Variants in ENAH observed in about 807,000 individuals in gnomAD.
ENAH encodes the protein ENAH actin regulator, also known as protein enabled homolog.
Under a neutral mutation model 78.7 loss-of-function variants are expected in ENAH, and 23 were observed. The observed-to-expected ratio is 0.29, with a 90% CI of 0.21 to 0.41. ENAH has a LOEUF of 0.41. Ranked by LOEUF, ENAH falls within the 10% of genes least tolerant of loss-of-function variation. The pLI is 1.00. For synonymous variants in ENAH, 226 were observed against 241.0 expected (o/e 0.94, Z 0.58); for missense variants, 544 against 691.0 (o/e 0.79, Z 2.39).
chr1:225,628,599 A>G (rs1658373255), intron 1 of ENAH, among the ~76,000 whole-genome samples: 1 of 152,196 alleles, frequency 6.6e-6, no homozygotes, highest in Non-Finnish European at 1.5e-5. Flanking sequence ...AAATAAAAGA[A>G]GAACATTTTT....
At chr1:225,590,857 T>C (rs2096872187) in intron 1 of ENAH, among the ~76,000 whole-genome samples, 1 of 152,184 alleles carries the variant, frequency 6.6e-6, no homozygotes, top group South Asian at 2.1e-4. Context: ...AGAAGCCCCA[T>C]AATCTACTTC....
intron 3 of ENAH, among the ~76,000 whole-genome samples, chr1:225,536,985 TTTC>T (rs927526883): frequency 1.3e-5 from 2 of 152,192 alleles, no homozygotes; most frequent in African/African-American, 4.8e-5. Context: ...TTTAGAATAT[TTTC>T]AATAATTATA....
At chr1:225,614,321 A>G (rs1280519089) in intron 1 of ENAH, among the ~76,000 whole-genome samples, 1 of 152,142 alleles carries the variant, frequency 6.6e-6, no homozygotes, top group Non-Finnish European at 1.5e-5. Flanking sequence ...GGCCTCCCAA[A>G]GTGCTGGGAT....
At chr1:225,645,196 A>C (rs1279162197) in intron 1 of ENAH, among the ~76,000 whole-genome samples, 4 of 152,226 alleles carry the variant, frequency 2.6e-5, no homozygotes. Context: ...AGTAATAAAA[A>C]TGTCAGAAAC....
chr1:225,626,479 A>G (rs1040316442), intron 1 of ENAH, among the ~76,000 whole-genome samples: 6 of 152,248 alleles, frequency 3.9e-5, no homozygotes, highest in Admixed American at 2.0e-4. Flanking sequence ...TGCCCTTAAA[A>G]AAGAGCTAGG....
intron 1 of ENAH, among the ~76,000 whole-genome samples, chr1:225,596,553 C>G (rs1235811597): frequency 1.3e-5 from 2 of 152,170 alleles, no homozygotes; most frequent in Non-Finnish European, 2.9e-5. Context: ...CCAAAGTACT[C>G]TGTTCAAGTT....
At chr1:225,587,763 A>G (rs1048794566) in intron 1 of ENAH, among the ~76,000 whole-genome samples, 7 of 152,226 alleles carry the variant, frequency 4.6e-5, no homozygotes, top group Non-Finnish European at 4.4e-5. Flanking sequence ...ACAAAGCTAC[A>G]GCAATTAAGA....
At chr1:225,599,187 C>T (rs536218485) in intron 1 of ENAH, among the ~76,000 whole-genome samples, 111 of 151,922 alleles carry the variant, frequency 7.3e-4, no homozygotes, top group African/African-American at 2.5e-3. Context: ...AGATCTTTCA[C>T]AAAACAACTG....
intron 3 of ENAH, chr1:225,535,628 T>A (rs189680164): frequency 1.1e-6 from 1 of 911,806 alleles, no homozygotes; most frequent in African/African-American, 1.7e-5. Flanking sequence ...GAACTTCACA[T>A]AAACTAAAAG....
intron 2 of ENAH, among the ~76,000 whole-genome samples, chr1:225,561,764 T>G (rs913708292): frequency 1.3e-5 from 2 of 152,278 alleles, no homozygotes; most frequent in Middle Eastern, 6.8e-3. Context: ...CCAGTGAGCT[T>G]GAGTCTAGAC....
chr1:225,579,667 C>T (rs899849215), intron 1 of ENAH, among the ~76,000 whole-genome samples: 1 of 152,182 alleles, frequency 6.6e-6, no homozygotes, highest in African/African-American at 2.4e-5. Context: ...ATTTAAACTA[C>T]TCCAACTTTG....
rs2096658632 is a variant in ENAH, at chr1:225,554,806, CA to C, written c.349+99del. 4.0e-6 allele frequency: 4 copies of C among 1,003,168 alleles called. No homozygotes were observed. The South Asian group carries it at 1.3e-4, about 32-fold the overall frequency. 62.1% of individuals were successfully genotyped at this position (1,003,168 alleles called of 1,614,324 possible). A position where few individuals can be genotyped will look rare whatever the true frequency, so the allele number is the denominator to read the frequency against. ...AAAAGTTAACAAACATTTGTTTTAACATACACATGGCACTTCAGTTCAAGAA... is the reference window on the plus strand; with the variant it reads ...AAAAGTTAACAAACATTTGTTTTAACTACACATGGCACTTCAGTTCAAGAA... On this transcript the variant is annotated intron_variant, in intron 3 of 13. Transcript: ENST00000366843.
chr1:225,533,320 G>GT (rs1314740549), intron 3 of ENAH, among the ~76,000 whole-genome samples: 5 of 152,150 alleles, frequency 3.3e-5, no homozygotes, highest in South Asian at 2.1e-4. Flanking sequence ...AGCTGCCGCT[G>GT]TATGTTCAGG....
chr1:225,629,192 C>A (rs562669829), intron 1 of ENAH, among the ~76,000 whole-genome samples: 1 of 151,874 alleles, frequency 6.6e-6, no homozygotes, highest in Non-Finnish European at 1.5e-5. Flanking sequence ...TCAGGAGAAT[C>A]GCTTGAATCC....
chr1:225,491,659 T>G lies in ENAH; in HGVS notation c.*6116A>C, dbSNP rs1052330180. On this transcript the variant is annotated 3_prime_UTR_variant, in exon 14 of 14. Coordinates refer to ENST00000366843, the MANE Select transcript of ENAH (RefSeq NM_018212.6). Reference sequence around the variant, plus strand: ...CAAGAACCTTTTCTCTCAGTTTCTATAGACTTGGATGGAAACTTTTGGACT... The same window carrying G: ...CAAGAACCTTTTCTCTCAGTTTCTAGAGACTTGGATGGAAACTTTTGGACT... The G allele has an allele frequency of 6.6e-6, 1 of 152,208 alleles. No homozygotes were observed. Among genetic ancestry groups the G allele is most frequent in the African/African-American group, 2.4e-5 (1 of 41,440 alleles). The allele number at this position is 152,208 out of a possible 1,614,324, so 9.4% of individuals were successfully genotyped here.
At position 225,515,357 on chromosome 1, in the gene ENAH, G is replaced by C. The variant is rs547881372; in HGVS notation, c.914-457C>G. 1.1e-3 allele frequency: 162 copies of C among 153,508 alleles called. 1 individual carries two copies. Among genetic ancestry groups the C allele is most frequent in the South Asian group, 3.3e-3 (16 of 4,888 alleles). The allele number at this position is 153,508 out of a possible 1,614,324, so 9.5% of individuals were successfully genotyped here. A position where few individuals can be genotyped will look rare whatever the true frequency, so the allele number is the denominator to read the frequency against. ...TAACAGTGAACACATACATTTAATT[G>C]TTTACAGTCAAAGTGGCTGTATTAA... On this transcript the variant is annotated intron_variant, in intron 6 of 13. Transcript: ENST00000366843.
At chr1:225,625,473 A>G (rs1029207801) in intron 1 of ENAH, among the ~76,000 whole-genome samples, 2 of 152,124 alleles carry the variant, frequency 1.3e-5, no homozygotes, top group African/African-American at 2.4e-5. Flanking sequence ...CACAAACTCT[A>G]TGGTCCTGTC....
chr1:225,629,919 C>G (rs954022203), intron 1 of ENAH, among the ~76,000 whole-genome samples: 13 of 152,142 alleles, frequency 8.5e-5, no homozygotes, highest in African/African-American at 3.1e-4. Flanking sequence ...TTAAAATTCT[C>G]TAACAGCAAG....
intron 1 of ENAH, among the ~76,000 whole-genome samples, chr1:225,615,823 G>T (rs2097027360): frequency 6.6e-6 from 1 of 152,192 alleles, no homozygotes; most frequent in Non-Finnish European, 1.5e-5. Flanking sequence ...CCCCGTCTGG[G>T]AGGTGTACCC....
Sources: gnomAD v4.1 joint callset for allele counts (sites outside exome capture counted in the v4.1 genomes callset) on GRCh38, gnomAD v4.1.1 for gene constraint, MANE v1.5 for transcripts, NCBI Gene and HGNC (gene_info 2026-07-23, HGNC 2026-07-21) for gene names.